The following KLRB1 variants were observed in gnomAD, a reference collection of about 807,000 sequenced individuals.
KLRB1 encodes killer cell lectin-like receptor subfamily B member 1.
In KLRB1, 27 loss-of-function variants were observed where a neutral mutation model predicts 33.5. That is an observed-to-expected ratio of 0.81 (90% confidence interval 0.59 to 1.11). The LOEUF (loss-of-function observed/expected upper bound fraction) is 1.11. KLRB1 is among the 50% of genes most tolerant of loss of function. The pLI is 0.00. For missense variants in KLRB1, 241 were observed against 254.1 expected (o/e 0.95, Z 0.35); for synonymous variants, 64 against 88.9 (o/e 0.72, Z 1.58).
At chr12:9,604,893 G>T (rs1288867082) in intron 1 of KLRB1, among the ~76,000 whole-genome samples, 16 of 151,896 alleles carry the variant, frequency 1.1e-4, no homozygotes, top group Non-Finnish European at 1.6e-4. Flanking sequence ...CAATGTGCAG[G>T]TTTGTTACAT....
At chr12:9,607,339 T>TGCCTGCCTGCCTTC (rs1330109407) in intron 1 of KLRB1, among the ~76,000 whole-genome samples, 1 of 61,218 alleles carries the variant, frequency 1.6e-5, no homozygotes, top group Non-Finnish European at 3.4e-5. Flanking sequence ...TTCTTTCCTT[T>TGCCTGCCTGCCTTC]CTTTCTTTCT....
intron 4 of KLRB1, 54 bp downstream of exon 4, chr12:9,598,445 T>C: frequency 7.1e-7 from 1 of 1,412,284 alleles, no homozygotes. Context: ...CAGACATTAA[T>C]ATGGTTTAAA....
chr12:9,605,617 A>G (rs1289562083), intron 1 of KLRB1, among the ~76,000 whole-genome samples: 1 of 152,232 alleles, frequency 6.6e-6, no homozygotes, highest in Non-Finnish European at 1.5e-5. Flanking sequence ...TTTGGCCATA[A>G]GCAAGATCGG....
At chr12:9,607,305 C>CTTTCTTCT (rs1864618431) in intron 1 of KLRB1, among the ~76,000 whole-genome samples, 2 of 79,886 alleles carry the variant, frequency 2.5e-5, no homozygotes, top group Non-Finnish European at 4.8e-5. Flanking sequence ...TCTCTCCTTT[C>CTTTCTTCT]TTTCTTTCTT....
In KLRB1 at chr12:9,598,481, T is replaced by A; in HGVS notation, c.414+18A>T. 1 of 1,598,162 alleles carries A rather than the reference T, an allele frequency of 6.3e-7. No individual in the cohort carries two copies. The highest frequency in any genetic ancestry group is 8.5e-7 in the Non-Finnish European group (1 of 1,171,504). On this transcript the variant is annotated intron_variant, in intron 4 of 5. Transcript: ENST00000229402. ...GAAAGTGTTAAGTTTTATTAAGGTATTTTATTTAATGATTTACCAATTCAT... is the reference window on the plus strand; with the variant it reads ...GAAAGTGTTAAGTTTTATTAAGGTAATTTATTTAATGATTTACCAATTCAT...
At chr12:9,607,335 C>CTTTT (rs1491505010) in intron 1 of KLRB1, among the ~76,000 whole-genome samples, 4 of 65,270 alleles carry the variant, frequency 6.1e-5, no homozygotes, top group Admixed American at 1.8e-4. Flanking sequence ...CTCTTTCTTT[C>CTTTT]CTTTCTTTCT....
At chr12:9,604,244 T>C (rs1864576037) in intron 1 of KLRB1, among the ~76,000 whole-genome samples, 1 of 152,200 alleles carries the variant, frequency 6.6e-6, no homozygotes, top group Non-Finnish European at 1.5e-5. Flanking sequence ...TACCTATGGC[T>C]GTTCTCCATT....
Position 9,595,330 on chromosome 12 carries a change from A to T in KLRB1, c.622T>A (p.Trp208Arg), listed in dbSNP as rs1446233070. The change falls in exon 6 of 6, where the codon TGG becomes AGG. Residue 208 changes from tryptophan to arginine, a missense_variant. By Grantham distance (101) the Trp-to-Arg change is moderately radical (BLOSUM62 -3). Transcript: ENST00000229402. ...GGTGTTAGTTCTTTTTGGCAGATCC[A>T]TCTGATTTCTGTACTACAGTACTCA... is the stretch of plus-strand genomic sequence containing the variant. ...YSEYCSTEIR[W>R]ICQKELTPVR... is the part of the protein sequence containing the mutation. 6.2e-7 allele frequency: 1 copy of T among 1,613,046 alleles called. No individual in the cohort carries two copies. The highest frequency in any genetic ancestry group is 8.5e-7 in the Non-Finnish European group (1 of 1,179,252).
intron 2 of KLRB1, 40 bp from the exon 3 acceptor site, chr12:9,599,881 T>C (rs767264512): frequency 8.9e-7 from 1 of 1,127,682 alleles, no homozygotes; most frequent in Non-Finnish European, 1.4e-6. Context: ...AATGCTGAAA[T>C]GTGTGGTGGA....
In KLRB1 at chr12:9,598,080, T is replaced by C; in HGVS notation, c.496A>G (p.Lys166Glu). 1 of 1,585,314 alleles carries C rather than the reference T, an allele frequency of 6.3e-7. No homozygotes were observed. Among genetic ancestry groups the C allele is most frequent in the South Asian group, 1.1e-5 (1 of 87,244 alleles). ...LNFSLSEKNW[K>E]WINGSFLNSN... ...TTTAAAAAAGAGCCGTTTATCCACT[T>C]CCAGTTCTTTTCTGATAATGAAAAA... Residue 166 changes from lysine (K) to glutamate (E), a missense_variant, in exon 5 of 6, where the codon AAG (lysine) becomes GAG (glutamate). Coordinates refer to ENST00000229402, the MANE Select transcript of KLRB1 (RefSeq NM_002258.3).
rs1251440098 is a variant in KLRB1, at chr12:9,607,346, T to G, written c.85+409A>C. Among the ~76,000 whole-genome samples the G allele has an allele frequency of 3.3e-3, 201 of 60,958 alleles. 3 individuals are homozygous for G. The highest frequency in any genetic ancestry group is 8.2e-3 in the Middle Eastern group (1 of 122). The allele number at this position is 60,958 out of a possible 152,430, so 40.0% of individuals were successfully genotyped here. On this transcript the variant is annotated intron_variant, in intron 1 of 5. Transcript: ENST00000229402. ...CTTTCTCTTTCTTTCCTTTCTTTCT[T>G]TCTTTCTTCCTTTCTTTCTTTCTTT...
chr12:9,598,642 G>C lies in KLRB1; in HGVS notation c.271C>G (p.Leu91Val). The change falls in exon 4 of 6, where the codon CTC becomes GTC. Residue 91 changes from leucine (L) to valine (V), a missense_variant. Transcript: ENST00000229402. Reference protein sequence around the residue: ...SRNKTTERPGLLNCPIYWQQL... With the variant: ...SRNKTTERPGVLNCPIYWQQL... Reference sequence around the variant, plus strand: ...TGCCAATATATTGGGCAGTTTAAGAGACCCGGTCTCTCTAAAGTAAAAAAC... The same window carrying C: ...TGCCAATATATTGGGCAGTTTAAGACACCCGGTCTCTCTAAAGTAAAAAAC... 6.2e-7 allele frequency: 1 copy of C among 1,608,510 alleles called. No individual in the cohort carries two copies. Among genetic ancestry groups the C allele is most frequent in the Non-Finnish European group, 8.5e-7 (1 of 1,177,588 alleles).
At chr12:9,607,618 A>G in intron 1 of KLRB1, 137 bp downstream of exon 1, 1 of 610,710 alleles carries the variant, frequency 1.6e-6, no homozygotes, top group South Asian at 2.1e-5. Context: ...TCTACAGGCA[A>G]GCCATGCAAC....
Position 9,607,648 on chromosome 12 carries a change from A to G in KLRB1, c.85+107T>C, listed in dbSNP as rs1025252956. 6 of 767,864 alleles carry G rather than the reference A, an allele frequency of 7.8e-6. No homozygotes were observed. The Admixed American group carries it at 1.2e-4, about 15-fold the overall frequency. The allele number at this position is 767,864 out of a possible 1,614,324, so 47.6% of individuals were successfully genotyped here. A position where few individuals can be genotyped will look rare whatever the true frequency, so the allele number is the denominator to read the frequency against. ...TGCAACACCCGTTAAACATTAATAT[A>G]AAACTACTGCTCATCTTTAAAGCAA... On this transcript the variant is annotated intron_variant, in intron 1 of 5. Transcript: ENST00000229402.
In KLRB1 at chr12:9,607,335, C is replaced by CCTTCCTTCCTTCCTTCCTTCCTTT. The variant is rs1864621978; in HGVS notation, c.85+419_85+420insAAAGGAAGGAAGGAAGGAAGGAAG. Among the ~76,000 whole-genome samples, 165 of 65,024 alleles carry CCTTCCTTCCTTCCTTCCTTCCTTT rather than the reference C, an allele frequency of 2.5e-3. 2 individuals carry two copies. The highest frequency in any genetic ancestry group is 7.6e-3 in the Middle Eastern group (1 of 132). The allele number at this position is 65,024 out of a possible 152,430, so 42.7% of individuals were successfully genotyped here. ...TTTCTTCTTTTCTTTCTCTTTCTTTCCTTTCTTTCTTTCTTTCTTCCTTTC... is the reference window on the plus strand; with the variant it reads ...TTTCTTCTTTTCTTTCTCTTTCTTTCCTTCCTTCCTTCCTTCCTTCCTTTCTTTCTTTCTTTCTTTCTTCCTTTC... On this transcript the variant is annotated intron_variant, in intron 1 of 5. Transcript: ENST00000229402.
chr12:9,600,711 G>C (rs999571633), intron 2 of KLRB1, among the ~76,000 whole-genome samples: 14 of 152,032 alleles, frequency 9.2e-5, no homozygotes, highest in African/African-American at 3.4e-4. Flanking sequence ...TGCTCCTTAA[G>C]AGTCATCACC....
chr12:9,599,866 T>A (rs768245750), intron 2 of KLRB1, 25 bp from the exon 3 acceptor site: 10 of 1,325,234 alleles, frequency 7.5e-6, no homozygotes, highest in Non-Finnish European at 1.1e-5. Context: ...AAAACAAGAG[T>A]ATTAAATGCT....
At chr12:9,601,450 G>A (rs375130194) in intron 2 of KLRB1, 51 bp downstream of exon 2, 93 of 1,353,402 alleles carry the variant, frequency 6.9e-5, no homozygotes, top group Non-Finnish European at 8.5e-5. Context: ...TCTAAGATAC[G>A]TAATGGAAGT....
chr12:9,595,925 A>G (rs1428361251), intron 5 of KLRB1, among the ~76,000 whole-genome samples: 1 of 152,204 alleles, frequency 6.6e-6, no homozygotes, highest in East Asian at 1.9e-4. Context: ...AGCAGTGAGA[A>G]AAAGTGGCTC....
Sources: gnomAD v4.1 joint callset for allele counts (sites outside exome capture counted in the v4.1 genomes callset) on GRCh38, gnomAD v4.1.1 for gene constraint, MANE v1.5 for transcripts, NCBI Gene and HGNC (gene_info 2026-07-23, HGNC 2026-07-21) for gene names.